Variants in RTF1 observed in about 807,000 individuals in gnomAD.
RTF1 encodes RNA polymerase-associated protein RTF1 homolog.
In RTF1, 10 loss-of-function variants were observed where a neutral mutation model predicts 95.7. The ratio of observed to expected loss-of-function variants is 0.10; its 90% CI spans 0.06 to 0.18. RTF1 has a LOEUF of 0.18. RTF1 is among the 10% of genes least tolerant of loss of function. The pLI, the probability that RTF1 is intolerant of heterozygous loss-of-function variation, is 1.00. For missense variants in RTF1, 458 were observed against 875.6 expected (o/e 0.52, Z 6.02); for synonymous variants, 305 against 311.8 (o/e 0.98, Z 0.23).
Position 41,475,700 on chromosome 15 carries a change from T to C in RTF1, c.1375-12T>C. 6.2e-7 allele frequency: 1 copy of C among 1,604,026 alleles called. No individual in the cohort carries two copies. Reference sequence around the variant, plus strand: ...CCCTTACTAATAATCTCGTATCGTGTTTTTGATCCAGATGTTCTCTGCTGG... The same window carrying C: ...CCCTTACTAATAATCTCGTATCGTGCTTTTGATCCAGATGTTCTCTGCTGG... On this transcript the variant is annotated splice_polypyrimidine_tract_variant and intron_variant, in intron 10 of 17. Coordinates refer to ENST00000389629, the MANE Select transcript of RTF1 (RefSeq NM_015138.5).
At chr15:41,422,750 TG>T in intron 1 of RTF1, among the ~76,000 whole-genome samples, 1 of 152,334 alleles carries the variant, frequency 6.6e-6, no homozygotes, top group Admixed American at 6.5e-5. Flanking sequence ...AATTTGTCTT[TG>T]AGAGAATAGG....
intron 1 of RTF1, among the ~76,000 whole-genome samples, chr15:41,418,090 A>G (rs2050581012): frequency 6.6e-6 from 1 of 152,168 alleles, no homozygotes; most frequent in Admixed American, 6.5e-5. Flanking sequence ...GGAAGCACTG[A>G]AAGTAACTTT....
chr15:41,475,946 T>C, intron 11 of RTF1, 127 bp downstream of exon 11: 1 of 598,642 alleles, frequency 1.7e-6, no homozygotes, highest in Non-Finnish European at 2.9e-6. Flanking sequence ...AATACTAATA[T>C]TACTACCTGA....
rs553856309 is a variant in RTF1 at position 41,475,117 on chromosome 15, C to T, written c.1287-408C>T. ...GTGTCATTCACTCAGCAAATATTTA[C>T]CGAATGTACAGTGTGCCAGGCACTG... is the stretch of plus-strand genomic sequence containing the variant. On this transcript the variant is annotated intron_variant, in intron 9 of 17. Transcript: ENST00000389629. Among the ~76,000 whole-genome samples the T allele has an allele frequency of 3.9e-5, 6 of 152,226 alleles. No homozygotes were observed. The South Asian group carries it at 8.3e-4, about 21-fold the overall frequency.
intron 3 of RTF1, among the ~76,000 whole-genome samples, chr15:41,454,111 A>G (rs1287912857): frequency 6.6e-6 from 1 of 152,046 alleles, no homozygotes; most frequent in African/African-American, 2.4e-5. Flanking sequence ...TTAATTTATT[A>G]TCGAGACAGA....
chr15:41,456,389 TGAGG>T (rs2050816386), intron 3 of RTF1, among the ~76,000 whole-genome samples: 1 of 150,922 alleles, frequency 6.6e-6, no homozygotes, highest in African/African-American at 2.4e-5. Context: ...CTCAGGAGGC[TGAGG>T]CAGGAGAATG....
intron 1 of RTF1, among the ~76,000 whole-genome samples, chr15:41,437,983 TA>T (rs1191142700): frequency 6.6e-6 from 1 of 152,244 alleles, no homozygotes; most frequent in Non-Finnish European, 1.5e-5. Flanking sequence ...GTTACCTTTG[TA>T]AACATGTTTC....
Position 41,417,758 on chromosome 15 carries a change from C to G in RTF1, c.198+445C>G, listed in dbSNP as rs1332717244. ...GGCGAGGGCCAAGAAGATCCGGACT[C>G]TGGAAGATGGAAGTTTTTCGGACAA... is the stretch of plus-strand genomic sequence containing the variant. On this transcript the variant is annotated intron_variant, in intron 1 of 17. Transcript: ENST00000389629. Among the ~76,000 whole-genome samples, 8 of 152,274 alleles carry G rather than the reference C, an allele frequency of 5.3e-5. No homozygotes were observed. The East Asian group carries it at 1.5e-3, about 29-fold the overall frequency.
Position 41,417,173 on chromosome 15 carries a change from C to T in RTF1, c.58C>T (p.Pro20Ser), listed in dbSNP as rs1306067204. The T allele has an allele frequency of 1.0e-5, 13 of 1,263,942 alleles. No individual in the cohort carries two copies. Among genetic ancestry groups the T allele is most frequent in the Non-Finnish European group, 3.0e-6 (3 of 1,000,452 alleles). 78.3% of individuals were successfully genotyped at this position (1,263,942 alleles called of 1,614,324 possible). A position where few individuals can be genotyped will look rare whatever the true frequency, so the allele number is the denominator to read the frequency against. The change falls in exon 1 of 18, where the codon CCA becomes TCA. Residue 20 changes from proline to serine, a missense_variant. Physicochemically the swap from Pro to Ser is moderately conservative, Grantham distance 74. Around this residue, in one of 11 missense-constraint regions of RTF1, gnomAD observed 81 missense variants for 59.9 expected, o/e 1.35. Coordinates refer to ENST00000389629, the MANE Select transcript of RTF1 (RefSeq NM_015138.5). Reference protein sequence around the residue: ...AAAAAAAVAVPLAGGQEGSPG... With the variant: ...AAAAAAAVAVSLAGGQEGSPG... ...GGCGGCGGCGGCGGCAGTGGCGGTC[C>T]CACTGGCAGGCGGGCAAGAGGGGAG... is the stretch of plus-strand genomic sequence containing the variant.
In RTF1 at chr15:41,457,819, A is replaced by G; in HGVS notation, c.605A>G (p.Lys202Arg). The change falls in exon 4 of 18, where the codon AAA becomes AGA. Residue 202 changes from lysine (K) to arginine (R), a missense_variant. Lys to Arg is a conservative substitution (Grantham distance 26). Coordinates refer to ENST00000389629, the MANE Select transcript of RTF1 (RefSeq NM_015138.5). ...DRARLEQMTE[K>R]EREQELFNRI... ...GCCCGTCTGGAACAGATGACAGAGA[A>G]AGAGAGAGAGCAAGAACTGTTCAAT... is the stretch of plus-strand genomic sequence containing the variant. 6.2e-7 allele frequency: 1 copy of G among 1,614,130 alleles called. No individual in the cohort carries two copies. Among genetic ancestry groups the G allele is most frequent in the Non-Finnish European group, 8.5e-7 (1 of 1,180,012 alleles).
intron 1 of RTF1, among the ~76,000 whole-genome samples, chr15:41,418,131 A>G (rs879801229): frequency 2.0e-5 from 3 of 152,164 alleles, no homozygotes. Context: ...TGAACTGTTT[A>G]TATACTCTAG....
intron 2 of RTF1, among the ~76,000 whole-genome samples, chr15:41,444,522 T>G (rs2050751108): frequency 6.6e-6 from 1 of 152,064 alleles, no homozygotes; most frequent in African/African-American, 2.4e-5. Context: ...GTTGAACTCC[T>G]GAGCTCAGGT....
rs1045932754 is a variant in RTF1, at chr15:41,425,881, G to A, written c.198+8568G>A. ...CAGGCACTGGCATGAGATGGGGAGT[G>A]CTGGAGGAGCAGGTTTAGAGGTGAA... is the stretch of plus-strand genomic sequence containing the variant. On this transcript the variant is annotated intron_variant, in intron 1 of 17. Coordinates refer to ENST00000389629, the MANE Select transcript of RTF1 (RefSeq NM_015138.5). Among the ~76,000 whole-genome samples the A allele has an allele frequency of 3.9e-5, 6 of 152,260 alleles. No individual in the cohort carries two copies. In the East Asian group the frequency reaches 1.2e-3, roughly 30 times the overall value.
intron 4 of RTF1, among the ~76,000 whole-genome samples, chr15:41,461,562 G>A (rs1399602217): frequency 6.7e-6 from 1 of 150,162 alleles, no homozygotes; most frequent in African/African-American, 2.5e-5. Flanking sequence ...GCGCAACCTC[G>A]GCTGACTGCA....
At chr15:41,429,422 C>T (rs1337840089) in intron 1 of RTF1, among the ~76,000 whole-genome samples, 2 of 151,868 alleles carry the variant, frequency 1.3e-5, no homozygotes, top group Non-Finnish European at 2.9e-5. Flanking sequence ...TGTTCATCTA[C>T]CAGTTGTAGT....
At chr15:41,441,745 T>C (rs904725456) in intron 2 of RTF1, among the ~76,000 whole-genome samples, 1 of 152,190 alleles carries the variant, frequency 6.6e-6, no homozygotes, top group African/African-American at 2.4e-5. Context: ...AATGAGCGTT[T>C]GAGTGACTTT....
intron 4 of RTF1, among the ~76,000 whole-genome samples, chr15:41,460,121 G>GTTTTTTTTTTTTTTTTTTT (rs869235078): frequency 2.4e-5 from 2 of 83,442 alleles, no homozygotes; most frequent in Non-Finnish European, 5.2e-5. Flanking sequence ...TTTTGTTTTT[G>GTTTTTTTTTTTTTTTTTTT]TTTTTTTTTT....
At position 41,470,650 on chromosome 15, in the gene RTF1, C is replaced by CTTTT. The variant is rs58221683; in HGVS notation, c.1025+281_1025+284dup. Reference sequence around the variant, plus strand: ...TTGGCCTGGAGCTTTCATTCATTTTCTTTTTTTTTTTTTTTTTTTTTTTTT... The same window carrying CTTTT: ...TTGGCCTGGAGCTTTCATTCATTTTCTTTTTTTTTTTTTTTTTTTTTTTTTTTTT... On this transcript the variant is annotated intron_variant, in intron 7 of 17. Coordinates refer to ENST00000389629, the MANE Select transcript of RTF1 (RefSeq NM_015138.5). 2.0e-4 allele frequency among the ~76,000 whole-genome samples: 15 copies of CTTTT among 75,486 alleles called. 1 individual carries two copies. The highest frequency in any genetic ancestry group is 1.2e-3 in the South Asian group (2 of 1,734). The allele number at this position is 75,486 out of a possible 152,430, so 49.5% of individuals were successfully genotyped here. A position where few individuals can be genotyped will look rare whatever the true frequency, so the allele number is the denominator to read the frequency against.
At chr15:41,462,713 CCTTT>C (rs2050857283) in intron 4 of RTF1, among the ~76,000 whole-genome samples, 1 of 152,120 alleles carries the variant, frequency 6.6e-6, no homozygotes, top group Non-Finnish European at 1.5e-5. Flanking sequence ...CCACTAATCT[CCTTT>C]CTGTCTCTCT....
Sources: gnomAD v4.1 joint callset for allele counts (sites outside exome capture counted in the v4.1 genomes callset) on GRCh38, gnomAD v4.1.1 for gene constraint, gnomAD v4.1.1 regional missense constraint, MANE v1.5 for transcripts, NCBI Gene and HGNC (gene_info 2026-07-23, HGNC 2026-07-21) for gene names.